Variants in SHC2 observed in about 807,000 individuals in gnomAD.
The protein encoded by SHC2 is SHC-transforming protein 2.
In SHC2, 62 loss-of-function variants were observed where a neutral mutation model predicts 60.6. The ratio of observed to expected loss-of-function variants is 1.02; its 90% confidence interval spans 0.83 to 1.26. The LOEUF is 1.26. SHC2 is among the 50% of genes most tolerant of loss of function. The pLI, the probability that SHC2 is intolerant of heterozygous loss-of-function variation, is 0.00. For missense variants in SHC2, 873 were observed against 822.2 expected (o/e 1.06, Z -0.76); for synonymous variants, 375 against 372.4 (o/e 1.01, Z -0.08).
intron 7 of SHC2, 53 bp downstream of exon 7, chr19:436,112 T>C: frequency 6.3e-7 from 1 of 1,591,164 alleles, no homozygotes; most frequent in Non-Finnish European, 8.6e-7. Flanking sequence ...GCTCTGCACC[T>C]GGGCAGGTCA....
intron 11 of SHC2, 174 bp from the exon 12 acceptor site, chr19:419,230 C>G: frequency 1.4e-6 from 1 of 696,070 alleles, no homozygotes; most frequent in South Asian, 2.5e-5. Flanking sequence ...ATTCCAGAAC[C>G]ACCCATGGGC....
Position 440,110 on chromosome 19 carries a change from G to T in SHC2, c.539+752C>A, listed in dbSNP as rs1219327111. On this transcript the variant is annotated intron_variant, in intron 2 of 12. Transcript: ENST00000264554. The surrounding 1 kb of genome is among the most constrained non-coding windows in gnomAD (Gnocchi z 7.0). ...GGGAACGCCATGCTCAGTGAGAGAC[G>T]CCAGACACACGAGGCCACGCAGCGT... Among the ~76,000 whole-genome samples, 1 of 151,482 alleles carries T rather than the reference G, an allele frequency of 6.6e-6. No homozygotes were observed. The highest frequency in any genetic ancestry group is 2.4e-5 in the African/African-American group (1 of 41,248).
rs991944925 is a variant in SHC2 at position 425,046 on chromosome 19, C to G, written c.1309+51G>C. The G allele has an allele frequency of 6.0e-6, 8 of 1,340,250 alleles. No individual in the cohort carries two copies. Among genetic ancestry groups the G allele is most frequent in the Middle Eastern group, 2.0e-4 (1 of 5,004 alleles). 83.0% of individuals were successfully genotyped at this position (1,340,250 alleles called of 1,614,324 possible). ...GGGGGTGGGGTTGTGCCTCCCCCATCAGACAACACGGCCACACGCGATGAC... is the reference window on the plus strand; with the variant it reads ...GGGGGTGGGGTTGTGCCTCCCCCATGAGACAACACGGCCACACGCGATGAC... On this transcript the variant is annotated intron_variant, in intron 10 of 12. Transcript: ENST00000264554. This position sits in a 1 kb window ranked among gnomAD's most constrained non-coding sequence, Gnocchi z 4.1.
chr19:450,380 G>A (rs552901970), intron 1 of SHC2, among the ~76,000 whole-genome samples: 2 of 152,276 alleles, frequency 1.3e-5, no homozygotes, highest in Admixed American at 6.5e-5. Context: ...AGTTTTGACT[G>A]TCTTTAATCG....
Position 422,261 on chromosome 19 carries a change from C to A in SHC2, c.1505G>T (p.Arg502Leu), listed in dbSNP as rs372944679. The A allele has an allele frequency of 7.4e-5, 119 of 1,612,286 alleles. No individual in the cohort carries two copies. The highest frequency in any genetic ancestry group is 9.5e-5 in the Non-Finnish European group (112 of 1,179,632). ...MSRRAAERML[R>L]ADGDFLVRDS... ...TCGCACAAGGAAGTCCCCGTCAGCT[C>A]GAAGCATCCTCTCTGCCGCCCGGCG... The change falls in exon 11 of 13, where the codon CGA (arginine) becomes CTA (leucine). Residue 502 changes from arginine to leucine, a missense_variant. Physicochemically the swap from Arg to Leu is moderately radical, Grantham distance 102. Transcript: ENST00000264554. The surrounding 1 kb of genome is among the most constrained non-coding windows in gnomAD (Gnocchi z 5.0).
intron 1 of SHC2, among the ~76,000 whole-genome samples, chr19:458,793 G>A (rs936073951): frequency 4.8e-5 from 7 of 145,110 alleles, no homozygotes; most frequent in East Asian, 2.0e-4. Flanking sequence ...AGGCGGAAGC[G>A]GGTCCTGGGG....
rs1229327065 is a variant in SHC2 at position 440,512 on chromosome 19, C to T, written c.539+350G>A. 2.0e-5 allele frequency among the ~76,000 whole-genome samples: 3 copies of T among 152,214 alleles called. No individual in the cohort carries two copies. The highest frequency in any genetic ancestry group is 4.4e-5 in the Non-Finnish European group (3 of 68,036). ...ACACCGCATAGCATCCTGAGGTCACCGTGTGGAAAACAGAGCAGGGACACG... is the reference window on the plus strand; with the variant it reads ...ACACCGCATAGCATCCTGAGGTCACTGTGTGGAAAACAGAGCAGGGACACG... On this transcript the variant is annotated intron_variant, in intron 2 of 12. Coordinates refer to ENST00000264554, the MANE Select transcript of SHC2 (RefSeq NM_012435.3). This position sits in a 1 kb window ranked among gnomAD's most constrained non-coding sequence, Gnocchi z 7.0.
In SHC2 at chr19:425,322, G is replaced by A. The variant is rs538205375; in HGVS notation, c.1175-91C>T. The A allele has an allele frequency of 2.1e-5, 23 of 1,083,712 alleles. No individual in the cohort carries two copies. Among genetic ancestry groups the A allele is most frequent in the Middle Eastern group, 3.4e-4 (1 of 2,934 alleles). The allele number at this position is 1,083,712 out of a possible 1,614,324, so 67.1% of individuals were successfully genotyped here. A position where few individuals can be genotyped will look rare whatever the true frequency, so the allele number is the denominator to read the frequency against. On this transcript the variant is annotated intron_variant, in intron 9 of 12. Coordinates refer to ENST00000264554, the MANE Select transcript of SHC2 (RefSeq NM_012435.3). This position sits in a 1 kb window ranked among gnomAD's most constrained non-coding sequence, Gnocchi z 4.1. Reference sequence around the variant, plus strand: ...GCGGGGTCCCACGAGGAGCTCCCCCGGCCACCACCTGTGCTGCTGGCTGCA... The same window carrying A: ...GCGGGGTCCCACGAGGAGCTCCCCCAGCCACCACCTGTGCTGCTGGCTGCA...
rs1427824533 is a variant in SHC2 at position 438,645 on chromosome 19, A to C, written c.720+73T>G. 3.3e-6 allele frequency: 5 copies of C among 1,496,630 alleles called. No homozygotes were observed. Among genetic ancestry groups the C allele is most frequent in the Non-Finnish European group, 4.5e-6 (5 of 1,115,708 alleles). 92.7% of individuals were successfully genotyped at this position (1,496,630 alleles called of 1,614,324 possible). A position where few individuals can be genotyped will look rare whatever the true frequency, so the allele number is the denominator to read the frequency against. Reference sequence around the variant, plus strand: ...ACCTGCTGCCCGCCCCCAGCACCCCACCTGGCTTTGCCTCCTAGGACTCCT... The same window carrying C: ...ACCTGCTGCCCGCCCCCAGCACCCCCCCTGGCTTTGCCTCCTAGGACTCCT... On this transcript the variant is annotated intron_variant, in intron 4 of 12. Transcript: ENST00000264554. This position sits in a 1 kb window ranked among gnomAD's most constrained non-coding sequence, Gnocchi z 5.0.
intron 7 of SHC2, chr19:435,911 C>T: frequency 2.1e-6 from 1 of 471,240 alleles, no homozygotes; most frequent in East Asian, 3.5e-5. Context: ...AGCAGCAGGG[C>T]TGACAGCCTC....
chr19:422,131 C>G lies in SHC2; in HGVS notation c.1620+15G>C, dbSNP rs374626608. Reference sequence around the variant, plus strand: ...CCTGGATGCCCCGAGACCCTCCCACCTGTGCACAGCTTACCACGCCCTCGG... The same window carrying G: ...CCTGGATGCCCCGAGACCCTCCCACGTGTGCACAGCTTACCACGCCCTCGG... On this transcript the variant is annotated intron_variant, in intron 11 of 12. Coordinates refer to ENST00000264554, the MANE Select transcript of SHC2 (RefSeq NM_012435.3). This position sits in a 1 kb window ranked among gnomAD's most constrained non-coding sequence, Gnocchi z 5.0. 166 of 1,545,306 alleles carry G rather than the reference C, an allele frequency of 1.1e-4. No homozygotes were observed. The highest frequency in any genetic ancestry group is 1.4e-4 in the Non-Finnish European group (157 of 1,144,376).
chr19:457,285 A>G (rs113873076), intron 1 of SHC2, among the ~76,000 whole-genome samples: 5 of 109,090 alleles, frequency 4.6e-5, no homozygotes, highest in Non-Finnish European at 8.1e-5. Flanking sequence ...CCACCACATC[A>G]GGCCTTTGCA....
rs1974872530 is a variant in SHC2, at chr19:441,624, A to G, written c.469-692T>C. Among the ~76,000 whole-genome samples the G allele has an allele frequency of 6.6e-6, 1 of 152,204 alleles. No individual in the cohort carries two copies. The highest frequency in any genetic ancestry group is 6.5e-5 in the Admixed American group (1 of 15,284). The stretch of plus-strand genomic sequence containing the variant: ...GCACAGCCCACGTCATCTCTATGAA[A>G]TGTCCTACAGAGGCAGCAAGAGCAT... On this transcript the variant is annotated intron_variant, in intron 1 of 12. Transcript: ENST00000264554. The surrounding 1 kb of genome is among the most constrained non-coding windows in gnomAD (Gnocchi z 4.9).
chr19:439,322 A>G, intron 2 of SHC2: 1 of 508,284 alleles, frequency 2.0e-6, no homozygotes, highest in Non-Finnish European at 3.5e-6. Flanking sequence ...CCCGGCCCCC[A>G]GCTCTGGCCC....
chr19:427,169 C>T (rs1387511073), intron 9 of SHC2, among the ~76,000 whole-genome samples: 4 of 152,180 alleles, frequency 2.6e-5, no homozygotes, highest in Non-Finnish European at 5.9e-5. Flanking sequence ...CAGCGAAATG[C>T]CAGATTGTTT....
Position 430,757 on chromosome 19 carries a change from G to A in SHC2, c.1111-10C>T. 1 of 1,612,454 alleles carries A rather than the reference G, an allele frequency of 6.2e-7. No homozygotes were observed. The highest frequency in any genetic ancestry group is 8.5e-7 in the Non-Finnish European group (1 of 1,179,386). Reference sequence around the variant, plus strand: ...GAGAAGGAGATGGGCCCTGGAAACAGAGCAGTGAGAGGTTCCCCGGTGTGT... The same window carrying A: ...GAGAAGGAGATGGGCCCTGGAAACAAAGCAGTGAGAGGTTCCCCGGTGTGT... On this transcript the variant is annotated splice_polypyrimidine_tract_variant and intron_variant, in intron 8 of 12. Transcript: ENST00000264554.
chr19:430,997 G>C (rs1361584772), intron 8 of SHC2, among the ~76,000 whole-genome samples: 1 of 152,178 alleles, frequency 6.6e-6, no homozygotes, highest in East Asian at 1.9e-4. Context: ...CCTTGCAATG[G>C]CTGTTCCCCC....
chr19:436,346 A>G (rs1477004418), intron 6 of SHC2, 34 bp downstream of exon 6: 12 of 1,596,796 alleles, frequency 7.5e-6, no homozygotes, highest in African/African-American at 1.3e-5. Flanking sequence ...CCCCCCAGCC[A>G]CAGGACCCCC....
intron 1 of SHC2, among the ~76,000 whole-genome samples, chr19:457,040 G>A (rs114579945): frequency 6.8e-4 from 81 of 118,850 alleles, no homozygotes; most frequent in Non-Finnish European, 7.7e-4. Flanking sequence ...CACCGCGTGG[G>A]GCCTTTGCAC....
Sources: allele counts gnomAD v4.1 joint callset (sites outside exome capture counted in the v4.1 genomes callset), GRCh38; gene constraint gnomAD v4.1.1; non-coding constraint Gnocchi (gnomAD v3.1); transcripts MANE v1.5; gene names NCBI Gene and HGNC (gene_info 2026-07-23, HGNC 2026-07-21).